The following ZNF385D variants were observed in gnomAD, a reference collection of about 807,000 sequenced individuals.
The protein encoded by ZNF385D is zinc finger protein 659.
ZNF385D carries 15 observed loss-of-function variants against 35.8 expected under a neutral mutation model. The observed-to-expected ratio is 0.42, with a 90% CI of 0.28 to 0.64. The LOEUF (loss-of-function observed/expected upper bound fraction) is 0.64. Ranked by LOEUF, ZNF385D falls within the 30% of genes least tolerant of loss-of-function variation. The pLI is 0.23. For synonymous variants in ZNF385D, 212 were observed against 186.8 expected (o/e 1.13, Z -1.10); for missense variants, 474 against 494.6 (o/e 0.96, Z 0.39).
chr3:21,936,477 A>G (rs1701263970), intron 3 of ZNF385D, among the ~76,000 whole-genome samples: 1 of 151,568 alleles, frequency 6.6e-6, no homozygotes, highest in Non-Finnish European at 1.5e-5. Context: ...TACTAGCCCT[A>G]CTCTGTGAGA....
chr3:22,164,141 G>A (rs1470911184), intron 3 of ZNF385D, among the ~76,000 whole-genome samples: 2 of 150,708 alleles, frequency 1.3e-5, no homozygotes, highest in Non-Finnish European at 2.9e-5. Context: ...TGAAATTTAT[G>A]GCATATAACT....
chr3:22,291,470 T>A (rs1166381353), intron 2 of ZNF385D, among the ~76,000 whole-genome samples: 1 of 152,052 alleles, frequency 6.6e-6, no homozygotes, highest in Non-Finnish European at 1.5e-5. Flanking sequence ...TAATTTTATA[T>A]CCTACCATAT....
At chr3:22,255,036 A>T (rs1253211365) in intron 2 of ZNF385D, among the ~76,000 whole-genome samples, 1 of 151,884 alleles carries the variant, frequency 6.6e-6, no homozygotes, top group African/African-American at 2.4e-5. Flanking sequence ...CAAACATGCA[A>T]TTTAAAATCT....
intron 3 of ZNF385D, among the ~76,000 whole-genome samples, chr3:21,986,751 T>C (rs1268380817): frequency 1.7e-5 from 2 of 119,232 alleles, no homozygotes; most frequent in Admixed American, 1.6e-4. Flanking sequence ...TTGATCTGTC[T>C]AATGTTGACA....
intron 2 of ZNF385D, among the ~76,000 whole-genome samples, chr3:22,178,205 TG>T (rs1422086918): frequency 6.6e-6 from 1 of 152,160 alleles, no homozygotes; most frequent in African/African-American, 2.4e-5. Flanking sequence ...CCACCAACAG[TG>T]TAAAAGTGTT....
At chr3:21,901,414 G>A (rs1699406812) in intron 3 of ZNF385D, among the ~76,000 whole-genome samples, 1 of 152,116 alleles carries the variant, frequency 6.6e-6, no homozygotes, top group Admixed American at 6.6e-5. Flanking sequence ...GAAGCTTCCT[G>A]TCTCTCAAAA....
intron 2 of ZNF385D, among the ~76,000 whole-genome samples, chr3:21,629,128 C>T (rs1436777058): frequency 6.6e-6 from 1 of 152,068 alleles, no homozygotes; most frequent in African/African-American, 2.4e-5. Context: ...GATCTGTTCC[C>T]AGTCAACTCT....
intron 3 of ZNF385D, among the ~76,000 whole-genome samples, chr3:21,563,897 C>T (rs1333163093): frequency 2.0e-5 from 3 of 152,018 alleles, no homozygotes; most frequent in Non-Finnish European, 4.4e-5. Flanking sequence ...AAATTAATAT[C>T]ACTGTGATGG....
At chr3:21,438,604 A>C (rs1014362565) in intron 4 of ZNF385D, among the ~76,000 whole-genome samples, 4 of 152,072 alleles carry the variant, frequency 2.6e-5, no homozygotes, top group African/African-American at 9.7e-5. Flanking sequence ...AAGAGAAATG[A>C]ATCCTTGTTG....
At chr3:21,545,795 TGTTC>T (rs2062351418) in intron 3 of ZNF385D, among the ~76,000 whole-genome samples, 1 of 152,180 alleles carries the variant, frequency 6.6e-6, no homozygotes, top group African/African-American at 2.4e-5. Flanking sequence ...TCCTGACTTG[TGTTC>T]AGTAAAGAGT....
chr3:22,204,055 G>C (rs530945006), intron 2 of ZNF385D, among the ~76,000 whole-genome samples: 6 of 152,024 alleles, frequency 3.9e-5, no homozygotes, highest in Non-Finnish European at 7.4e-5. Flanking sequence ...GCTGGCTTTA[G>C]GTCTGATCCA....
chr3:21,809,731 T>C lies in ZNF385D; in HGVS notation c.326-144703A>G, dbSNP rs914930758. On this transcript the variant is annotated intron_variant, in intron 3 of 5. Transcript: ENST00000494108. ...ATATATACATATATATACACACACA[T>C]ATATATATACACACATACTGAAAAA... 9.9e-5 allele frequency among the ~76,000 whole-genome samples: 15 copies of C among 151,094 alleles called. No homozygotes were observed. In the South Asian group the frequency reaches 1.3e-3, roughly 13 times the overall value.
At chr3:21,753,306 C>T (rs2070187380), upstream of ZNF385D, among the ~76,000 whole-genome samples, 1 of 152,150 alleles carries the variant, frequency 6.6e-6, no homozygotes, top group South Asian at 2.1e-4. Flanking sequence ...CAACAGGTTT[C>T]CTTCTTCAAA....
chr3:21,824,692 T>C (rs115160229), intron 3 of ZNF385D, among the ~76,000 whole-genome samples: 2,316 of 152,242 alleles, frequency 0.015, 64 homozygotes, highest in African/African-American at 0.053. Flanking sequence ...GAAATGAAAT[T>C]ATTCCATGTG....
Position 21,758,557 on chromosome 3 carries a change from C to T in ZNF385D, c.326-93529G>A, listed in dbSNP as rs1028881457. ...GCAGGTGAGGAACCTAATATGGGAG[C>T]CAAAAAACAGAACGTTCAGGCAGAA... On this transcript the variant is annotated intron_variant, in intron 3 of 5. Transcript: ENST00000494108. Among the ~76,000 whole-genome samples the T allele has an allele frequency of 3.9e-5, 6 of 152,102 alleles. No individual in the cohort carries two copies. In the East Asian group the frequency reaches 7.8e-4, roughly 20 times the overall value.
chr3:21,713,283 C>G (rs972857918), intron 1 of ZNF385D, among the ~76,000 whole-genome samples: 35 of 152,202 alleles, frequency 2.3e-4, no homozygotes, highest in African/African-American at 8.4e-4. Flanking sequence ...CAGACCTGCA[C>G]TTGTCCATAG....
At chr3:21,718,872 A>G (rs2068428588) in intron 1 of ZNF385D, among the ~76,000 whole-genome samples, 1 of 152,218 alleles carries the variant, frequency 6.6e-6, no homozygotes, top group South Asian at 2.1e-4. Context: ...ATCAATTTTT[A>G]CTTTTTTCTT....
intron 3 of ZNF385D, among the ~76,000 whole-genome samples, chr3:21,827,202 A>G (rs1694696986): frequency 6.6e-6 from 1 of 152,152 alleles, no homozygotes; most frequent in Admixed American, 6.5e-5. Context: ...ATCAATATTT[A>G]TGTCACACCT....
chr3:22,126,824 T>C (rs1703459597), intron 3 of ZNF385D, among the ~76,000 whole-genome samples: 1 of 152,158 alleles, frequency 6.6e-6, no homozygotes, highest in Non-Finnish European at 1.5e-5. Flanking sequence ...TTAGCTCTAA[T>C]AGTATTTGTT....
Sources: gnomAD v4.1 joint callset for allele counts (sites outside exome capture counted in the v4.1 genomes callset) on GRCh38, gnomAD v4.1.1 for gene constraint, MANE v1.5 for transcripts, NCBI Gene and HGNC (gene_info 2026-07-23, HGNC 2026-07-21) for gene names.